The following RAB11FIP4 variants were observed in gnomAD, a reference collection of about 807,000 sequenced individuals.
RAB11FIP4 encodes rab11 family-interacting protein 4.
In RAB11FIP4, 23 loss-of-function variants were observed where a neutral mutation model predicts 74.3. The observed-to-expected ratio is 0.31, with a 90% CI of 0.22 to 0.44. The LOEUF (loss-of-function observed/expected upper bound fraction) is 0.44. Ranked by LOEUF, RAB11FIP4 falls within the 20% of genes least tolerant of loss-of-function variation. The pLI is 1.00. For synonymous variants in RAB11FIP4, 360 were observed against 359.9 expected (o/e 1.00, Z 0.00); for missense variants, 630 against 863.9 (o/e 0.73, Z 3.39).
At chr17:31,525,263 G>A in intron 10 of RAB11FIP4, 33 bp downstream of exon 10, 1 of 1,526,296 alleles carries the variant, frequency 6.6e-7, no homozygotes, top group Non-Finnish European at 8.8e-7. Flanking sequence ...CTCCCTCAGA[G>A]GGACCCCCTG....
chr17:31,532,130 C>G lies in RAB11FIP4; in HGVS notation c.*398C>G, dbSNP rs2072882582. On this transcript the variant is annotated 3_prime_UTR_variant, in exon 15 of 15. Coordinates refer to ENST00000621161, the MANE Select transcript of RAB11FIP4 (RefSeq NM_032932.6). ...CTCTAGTACGATGGGCTCTTTCACC[C>G]CACTCCTAGTCCCCTTGGGAGTGGG... The G allele has an allele frequency of 5.9e-6, 1 of 170,588 alleles. No homozygotes were observed. Among genetic ancestry groups the G allele is most frequent in the South Asian group, 1.5e-4 (1 of 6,744 alleles). The allele number at this position is 170,588 out of a possible 1,614,324, so 10.6% of individuals were successfully genotyped here.
In RAB11FIP4 at chr17:31,524,983, A is replaced by C; in HGVS notation, c.1134-107A>C. Reference sequence around the variant, plus strand: ...CTACTGGCCCACACGCCCTCAGTGGACATGCCAGTGACTCAGGGTCTCGGG... The same window carrying C: ...CTACTGGCCCACACGCCCTCAGTGGCCATGCCAGTGACTCAGGGTCTCGGG... On this transcript the variant is annotated intron_variant, in intron 9 of 14. Coordinates refer to ENST00000621161, the MANE Select transcript of RAB11FIP4 (RefSeq NM_032932.6). The C allele has an allele frequency of 2.2e-6, 3 of 1,351,808 alleles. No homozygotes were observed. In the South Asian group the frequency reaches 3.8e-5, roughly 17 times the overall value. 83.7% of individuals were successfully genotyped at this position (1,351,808 alleles called of 1,614,324 possible). A position where few individuals can be genotyped will look rare whatever the true frequency, so the allele number is the denominator to read the frequency against.
At chr17:31,522,334 A>G (rs766122812) in intron 6 of RAB11FIP4, 26 bp from the exon 7 acceptor site, 1 of 1,612,840 alleles carries the variant, frequency 6.2e-7, no homozygotes. Flanking sequence ...CCCTCTGTTC[A>G]ATGACTGTTT....
At chr17:31,412,564 A>G (rs1156959418) in intron 1 of RAB11FIP4, among the ~76,000 whole-genome samples, 1 of 152,230 alleles carries the variant, frequency 6.6e-6, no homozygotes, top group African/African-American at 2.4e-5. Context: ...CATCAGTGAA[A>G]CTGGAACCTT....
At chr17:31,437,422 T>C (rs957197240) in intron 3 of RAB11FIP4, among the ~76,000 whole-genome samples, 1 of 152,082 alleles carries the variant, frequency 6.6e-6, no homozygotes, top group Non-Finnish European at 1.5e-5. Context: ...CAGGCCCGGC[T>C]CTCTGCGCCC....
chr17:31,410,743 C>G (rs914574560), intron 1 of RAB11FIP4, among the ~76,000 whole-genome samples: 9 of 152,186 alleles, frequency 5.9e-5, no homozygotes, highest in African/African-American at 2.2e-4. Context: ...AATATTCCCA[C>G]TGCCACCACC....
intron 3 of RAB11FIP4, among the ~76,000 whole-genome samples, chr17:31,516,713 C>T (rs2072556696): frequency 6.6e-6 from 1 of 152,214 alleles, no homozygotes. Context: ...CGTGATCTGC[C>T]CGCCTTGGCC....
chr17:31,402,852 C>G (rs1446313707), intron 1 of RAB11FIP4, among the ~76,000 whole-genome samples: 1 of 151,812 alleles, frequency 6.6e-6, no homozygotes, highest in Non-Finnish European at 1.5e-5. Context: ...GTCTCGATCT[C>G]CTGACCTTGT....
intron 3 of RAB11FIP4, among the ~76,000 whole-genome samples, chr17:31,494,448 GC>G (rs1012264906): frequency 4.6e-5 from 7 of 152,060 alleles, no homozygotes; most frequent in African/African-American, 1.7e-4. Context: ...GTTCCTGCAG[GC>G]TTCAGCTGGT....
At chr17:31,472,663 G>A (rs2071749482) in intron 3 of RAB11FIP4, among the ~76,000 whole-genome samples, 1 of 152,206 alleles carries the variant, frequency 6.6e-6, no homozygotes, top group Admixed American at 6.5e-5. Flanking sequence ...AGGGAAGACA[G>A]GGATGGCCAT....
chr17:31,393,922 G>T (rs1567640910), intron 1 of RAB11FIP4, among the ~76,000 whole-genome samples: 1 of 152,034 alleles, frequency 6.6e-6, no homozygotes, highest in Non-Finnish European at 1.5e-5. Context: ...GACTATATTA[G>T]CCCCAAGACC....
intron 1 of RAB11FIP4, among the ~76,000 whole-genome samples, chr17:31,428,999 C>T (rs556991464): frequency 3.9e-5 from 6 of 151,988 alleles, no homozygotes; most frequent in Non-Finnish European, 5.9e-5. Context: ...TTATTTGAGA[C>T]GGAGTTTCAC....
intron 3 of RAB11FIP4, among the ~76,000 whole-genome samples, chr17:31,472,227 C>T (rs1361067542): frequency 1.3e-5 from 2 of 152,130 alleles, no homozygotes; most frequent in East Asian, 1.9e-4. Context: ...GTCAGGTCCC[C>T]AGACCTTGGC....
intron 3 of RAB11FIP4, among the ~76,000 whole-genome samples, chr17:31,453,808 A>AG (rs1354717386): frequency 6.6e-6 from 1 of 151,712 alleles, no homozygotes; most frequent in African/African-American, 2.4e-5. Context: ...AAAAAAAAAA[A>AG]AAAAAGAAAG....
intron 3 of RAB11FIP4, among the ~76,000 whole-genome samples, chr17:31,446,428 G>C (rs959919217): frequency 6.6e-6 from 1 of 152,102 alleles, no homozygotes; most frequent in Non-Finnish European, 1.5e-5. Context: ...AGCCGGCCTT[G>C]GTACTTTCTG....
intron 3 of RAB11FIP4, among the ~76,000 whole-genome samples, chr17:31,451,081 C>T (rs181095457): frequency 9.2e-5 from 14 of 152,308 alleles, no homozygotes; most frequent in African/African-American, 2.2e-4. Flanking sequence ...CCAGCAGAGC[C>T]GCACCCTGTA....
At chr17:31,520,258 G>A (rs1237269466) in intron 4 of RAB11FIP4, among the ~76,000 whole-genome samples, 1 of 152,044 alleles carries the variant, frequency 6.6e-6, no homozygotes, top group East Asian at 1.9e-4. Flanking sequence ...TTCATATCTG[G>A]GACTTGAGCA....
chr17:31,517,912 C>G, intron 4 of RAB11FIP4, 35 bp downstream of exon 4: 1 of 1,500,124 alleles, frequency 6.7e-7, no homozygotes, highest in Non-Finnish European at 9.1e-7. Context: ...CATATTTGCC[C>G]TCTCAGCCCA....
At chr17:31,524,478 C>T (rs1389672944) in intron 9 of RAB11FIP4, 2 of 176,572 alleles carry the variant, frequency 1.1e-5, no homozygotes, top group African/African-American at 4.8e-5. Context: ...TGGCATGACC[C>T]TTGGGGGACA....
Sources: gnomAD v4.1 joint callset for allele counts (sites outside exome capture counted in the v4.1 genomes callset) on GRCh38, gnomAD v4.1.1 for gene constraint, MANE v1.5 for transcripts, NCBI Gene and HGNC (gene_info 2026-07-23, HGNC 2026-07-21) for gene names.